C6orf89: variants seen among roughly 807,000 people sequenced by gnomAD.
C6orf89 encodes chromosome 6 open reading frame 89.
Under a neutral mutation model 40.7 loss-of-function variants are expected in C6orf89, and 29 were observed. The ratio of observed to expected loss-of-function variants is 0.71; its 90% CI spans 0.53 to 0.97. The LOEUF (loss-of-function observed/expected upper bound fraction) is 0.97, where lower values mean the gene tolerates loss of function less well. Among genes scored for constraint, C6orf89 ranks in the 50% least tolerant of loss-of-function variants. The probability of loss-of-function intolerance (pLI) is 0.00; values close to 1 mark genes in which losing one functional copy is unlikely to be tolerated. For missense variants in C6orf89, 392 were observed against 429.1 expected (o/e 0.91, Z 0.76); for synonymous variants, 165 against 152.2 (o/e 1.08, Z -0.62).
chr6:36,879,551 A>T (rs765517214), intron 2 of C6orf89, among the ~76,000 whole-genome samples: 2 of 152,158 alleles, frequency 1.3e-5, no homozygotes, highest in Admixed American at 1.3e-4. Flanking sequence ...AATGGTAAAA[A>T]TCACTGTTTA....
At position 36,878,512 on chromosome 6, in the gene C6orf89, T is replaced by C. The variant is rs1774720018; in HGVS notation, c.-627-496T>C. On this transcript the variant is annotated intron_variant, in intron 1 of 9. Transcript: ENST00000359359. Reference sequence around the variant, plus strand: ...TTTGTATGAGGATGTTATGGGGCTATTTATGCCATAGGGTTGATGAAGTGG... The same window carrying C: ...TTTGTATGAGGATGTTATGGGGCTACTTATGCCATAGGGTTGATGAAGTGG... 2.0e-5 allele frequency among the ~76,000 whole-genome samples: 3 copies of C among 152,338 alleles called. No homozygotes were observed. The South Asian group carries it at 6.2e-4, about 32-fold the overall frequency.
intron 4 of C6orf89, among the ~76,000 whole-genome samples, chr6:36,910,934 T>G (rs1229651181): frequency 6.6e-6 from 1 of 152,206 alleles, no homozygotes; most frequent in Non-Finnish European, 1.5e-5. Context: ...TTGATTTTTA[T>G]GTATCTGAAA....
At chr6:36,889,407 C>CT (rs926799651) in intron 1 of C6orf89, among the ~76,000 whole-genome samples, 2 of 152,070 alleles carry the variant, frequency 1.3e-5, no homozygotes, top group African/African-American at 4.8e-5. Flanking sequence ...CCCAAAGGAG[C>CT]TTTCCTCTGA....
At chr6:36,887,119 GT>G (rs543966667) in intron 1 of C6orf89, among the ~76,000 whole-genome samples, 51 of 142,202 alleles carry the variant, frequency 3.6e-4, no homozygotes, top group Non-Finnish European at 2.8e-4. Context: ...GCGTTTTTTT[GT>G]TTTTTTTTTT....
Position 36,923,991 on chromosome 6 carries a change from A to G in C6orf89, c.*550A>G, listed in dbSNP as rs1762601367. 1 of 189,024 alleles carries G rather than the reference A, an allele frequency of 5.3e-6. No individual in the cohort carries two copies. Among genetic ancestry groups the G allele is most frequent in the Admixed American group, 5.3e-5 (1 of 18,864 alleles). 11.7% of individuals were successfully genotyped at this position (189,024 alleles called of 1,614,324 possible). ...AAAAGTTCAGATAACTTTGAATTGC[A>G]TTCAAGAAGTACACTTCTTTCCCAT... On this transcript the variant is annotated 3_prime_UTR_variant, in exon 9 of 9. Transcript: ENST00000480824.
intron 3 of C6orf89, among the ~76,000 whole-genome samples, chr6:36,901,536 G>A (rs1283125757): frequency 2.8e-5 from 4 of 143,572 alleles, no homozygotes; most frequent in Non-Finnish European, 4.5e-5. Context: ...GGGTTTCGCC[G>A]TGTTGGCCAG....
At chr6:36,902,579 A>C in intron 4 of C6orf89, 145 bp downstream of exon 4, 1 of 715,082 alleles carries the variant, frequency 1.4e-6, no homozygotes, top group Non-Finnish European at 2.3e-6. Context: ...ACTCTATGAG[A>C]TGGGGTTTAT....
chr6:36,914,225 T>A, intron 4 of C6orf89, 59 bp from the exon 5 acceptor site: 2 of 1,425,740 alleles, frequency 1.4e-6, no homozygotes, highest in Non-Finnish European at 1.9e-6. Flanking sequence ...TTGGAGCTAC[T>A]GGATGTACCA....
intron 3 of C6orf89, 150 bp downstream of exon 3, chr6:36,899,783 G>C: frequency 1.5e-6 from 1 of 688,350 alleles, no homozygotes; most frequent in Non-Finnish European, 2.5e-6. Context: ...GTGTTACTAG[G>C]AAATTTGACT....
intron 4 of C6orf89, 92 bp downstream of exon 4, chr6:36,902,526 G>C (rs898529774): frequency 4.5e-6 from 5 of 1,100,950 alleles, no homozygotes; most frequent in Non-Finnish European, 6.6e-6. Flanking sequence ...CTAATGAGAG[G>C]CAAGCTCCCT....
At chr6:36,909,593 C>A (rs1307640495) in intron 4 of C6orf89, among the ~76,000 whole-genome samples, 1 of 151,758 alleles carries the variant, frequency 6.6e-6, no homozygotes, top group Admixed American at 6.6e-5. Context: ...CTACCCTGGG[C>A]AACATGGAGA....
intron 1 of C6orf89, among the ~76,000 whole-genome samples, chr6:36,875,699 G>A (rs1774634603): frequency 6.6e-6 from 1 of 152,248 alleles, no homozygotes; most frequent in Non-Finnish European, 1.5e-5. Flanking sequence ...CAGGCATCAA[G>A]CTAAGCATTT....
At chr6:36,902,159 T>G in intron 3 of C6orf89, 62 bp from the exon 4 acceptor site, 1 of 1,439,378 alleles carries the variant, frequency 6.9e-7, no homozygotes. Context: ...TGTTTTGTTT[T>G]TTTTCTTGGT....
chr6:36,874,892 T>A, intron 1 of C6orf89: 1 of 1,185,444 alleles, frequency 8.4e-7, no homozygotes, highest in Non-Finnish European at 1.2e-6. Flanking sequence ...AGGATTTGGG[T>A]GGCCAAGACA....
Position 36,902,349 on chromosome 6 carries a change from G to A in C6orf89, c.318G>A (p.Leu106=), listed in dbSNP as rs770922194. ...TWRSLIHHIR[L]MSLPIAKKYM... Reference sequence around the variant, plus strand: ...GCTCACTCATCCATCACATTAGGCTGATGTCCTTGCCCATTGCCAAGAAGT... The same window carrying A: ...GCTCACTCATCCATCACATTAGGCTAATGTCCTTGCCCATTGCCAAGAAGT... The change falls in exon 4 of 9, where the codon CTG becomes CTA. Residue 106 remains leucine (L), a synonymous_variant. Transcript: ENST00000480824. 3.7e-6 allele frequency: 6 copies of A among 1,614,080 alleles called. No individual in the cohort carries two copies. The African/African-American group carries it at 5.3e-5, about 14-fold the overall frequency.
rs766683419 is a variant in C6orf89, at chr6:36,919,621, C to G, written c.869C>G (p.Ala290Gly). ...CTATTTATCATTGGCAGCGGTGAGG[C>G]CATGTTGCAGCTCATCCCTCCCTTC... is the stretch of plus-strand genomic sequence containing the variant. ...PDLFIIGSGE[A>G]MLQLIPPFQC... The change falls in exon 8 of 9, where the codon GCC becomes GGC. Residue 290 changes from alanine to glycine, a missense_variant. Ala to Gly is a moderately conservative substitution (Grantham distance 60, BLOSUM62 0). Transcript: ENST00000480824. 1.5e-5 allele frequency: 25 copies of G among 1,614,116 alleles called. No homozygotes were observed. Among genetic ancestry groups the G allele is most frequent in the Non-Finnish European group, 2.1e-5 (25 of 1,179,990 alleles).
intron 4 of C6orf89, among the ~76,000 whole-genome samples, chr6:36,913,844 G>T (rs9380622): frequency 0.065 from 9,882 of 152,286 alleles, 461 homozygotes; most frequent in East Asian, 0.18. Flanking sequence ...GCGGTCTCCA[G>T]TGCTTATCAT....
chr6:36,901,857 G>A (rs1166028613), intron 3 of C6orf89, among the ~76,000 whole-genome samples: 1 of 150,672 alleles, frequency 6.6e-6, no homozygotes, highest in African/African-American at 2.4e-5. Context: ...ATTTTTAGTA[G>A]AGACGGGGTT....
upstream of C6orf89, chr6:36,885,848 T>A (rs1774955671): frequency 2.2e-6 from 1 of 448,762 alleles, no homozygotes; most frequent in Non-Finnish European, 3.7e-6. Context: ...CGACACTGAG[T>A]GTTCTGTTTT....
Sources: gnomAD v4.1 joint callset for allele counts (sites outside exome capture counted in the v4.1 genomes callset) on GRCh38, gnomAD v4.1.1 for gene constraint, MANE v1.5 for transcripts, NCBI Gene and HGNC (gene_info 2026-07-23, HGNC 2026-07-21) for gene names.